The following SCLT1 variants were observed in gnomAD, a reference collection of about 807,000 sequenced individuals.
The protein encoded by SCLT1 is sodium channel and clathrin linker 1.
Under a neutral mutation model 112.8 loss-of-function variants are expected in SCLT1, and 78 were observed. The ratio of observed to expected loss-of-function variants is 0.69; its 90% CI spans 0.58 to 0.83. The LOEUF (loss-of-function observed/expected upper bound fraction) is 0.83, where lower values mean the gene tolerates loss of function less well. Ranked by LOEUF, SCLT1 falls within the 40% of genes least tolerant of loss-of-function variation. The probability of loss-of-function intolerance (pLI) is 0.00; values close to 1 mark genes in which losing one functional copy is unlikely to be tolerated. For missense variants in SCLT1, 747 were observed against 770.4 expected, an observed-to-expected ratio of 0.97 and a Z score of 0.36; for synonymous variants, 257 against 254.7, an observed-to-expected ratio of 1.01 and a Z score of -0.09.
At chr4:128,985,645 A>G (rs1373232889) in intron 9 of SCLT1, among the ~76,000 whole-genome samples, 1 of 152,174 alleles carries the variant, frequency 6.6e-6, no homozygotes, top group South Asian at 2.1e-4. Context: ...TTTGACTTAT[A>G]TTGTTTTTGT....
chr4:129,030,042 A>C (rs1185085609), intron 5 of SCLT1, among the ~76,000 whole-genome samples: 1 of 152,188 alleles, frequency 6.6e-6, no homozygotes, highest in East Asian at 1.9e-4. Flanking sequence ...GTATTCTAAA[A>C]TAGGCTACAT....
intron 18 of SCLT1, among the ~76,000 whole-genome samples, chr4:128,910,685 C>T (rs1735024383): frequency 6.6e-6 from 1 of 151,954 alleles, no homozygotes; most frequent in African/African-American, 2.4e-5. Context: ...TCTTCTAATA[C>T]ACTCTTTTTT....
At chr4:129,011,793 A>G (rs546438099) in intron 5 of SCLT1, among the ~76,000 whole-genome samples, 1 of 152,012 alleles carries the variant, frequency 6.6e-6, no homozygotes, top group South Asian at 2.1e-4. Context: ...AAATTCATCC[A>G]TTTCTTCTAG....
rs568746770 is a variant in SCLT1 at position 128,940,600 on chromosome 4, C to T, written c.1632+2396G>A. 2.0e-5 allele frequency among the ~76,000 whole-genome samples: 3 copies of T among 151,860 alleles called. 1 individual carries two copies. The South Asian group carries it at 6.2e-4, about 32-fold the overall frequency. On this transcript the variant is annotated intron_variant, in intron 17 of 20. Transcript: ENST00000281142. ...TACAGTATCTTATTAAAAACATATA[C>T]ACTATATGTCAAAAATACATATGTG...
chr4:128,924,888 A>G (rs1189257205), intron 18 of SCLT1, among the ~76,000 whole-genome samples: 2 of 152,148 alleles, frequency 1.3e-5, no homozygotes, highest in African/African-American at 4.8e-5. Context: ...TGTCACTTTC[A>G]AGATTAGCTT....
intron 18 of SCLT1, among the ~76,000 whole-genome samples, chr4:128,918,946 C>T (rs1735673355): frequency 6.6e-6 from 1 of 152,120 alleles, no homozygotes; most frequent in Non-Finnish European, 1.5e-5. Context: ...TAGAGACCTA[C>T]AAAGAGACTT....
intron 2 of SCLT1, among the ~76,000 whole-genome samples, chr4:129,061,898 T>C (rs1750012669): frequency 6.6e-6 from 1 of 152,162 alleles, no homozygotes; most frequent in Non-Finnish European, 1.5e-5. Flanking sequence ...GCCTCAGGTG[T>C]CAGGGTACAG....
chr4:128,912,388 G>C (rs532681081), intron 18 of SCLT1, among the ~76,000 whole-genome samples: 1 of 151,964 alleles, frequency 6.6e-6, no homozygotes. Context: ...TATCACCTTT[G>C]TAACGTATTT....
intron 2 of SCLT1, among the ~76,000 whole-genome samples, chr4:129,050,497 CTTTTTCTTCATGT>C (rs1748676740): frequency 6.6e-6 from 1 of 152,170 alleles, no homozygotes; most frequent in African/African-American, 2.4e-5. Context: ...TGACGAGGAG[CTTTTTCTTCATGT>C]TTGTTGGCAG....
intron 1 of SCLT1, among the ~76,000 whole-genome samples, chr4:129,087,755 TAAAAAAA>T (rs71589026): frequency 9.6e-6 from 1 of 104,464 alleles, no homozygotes; most frequent in Non-Finnish European, 1.8e-5. Context: ...TTGCGCAAGT[TAAAAAAA>T]AAAAAAAAAA....
chr4:128,958,031 TCA>T (rs1183260407), intron 12 of SCLT1, among the ~76,000 whole-genome samples: 3 of 152,130 alleles, frequency 2.0e-5, no homozygotes, highest in African/African-American at 7.2e-5. Context: ...TAATCAAATC[TCA>T]CAGTTTTAAA....
In SCLT1 at chr4:129,021,328, A is replaced by G. The variant is rs77959581; in HGVS notation, c.291-17452T>C. On this transcript the variant is annotated intron_variant, in intron 5 of 20. Coordinates refer to ENST00000281142, the MANE Select transcript of SCLT1 (RefSeq NM_144643.4). ...TCATACCCCAGTGGCGCCTGGAACG[A>G]GAGTGAGACAGAACCGTTTGCTCCC... 8.4e-3 allele frequency among the ~76,000 whole-genome samples: 1,281 copies of G among 152,280 alleles called. 8 individuals carry two copies. Among genetic ancestry groups the G allele is most frequent in the Middle Eastern group, 0.014 (4 of 294 alleles).
chr4:129,015,821 CTG>C (rs1202215909), intron 5 of SCLT1, among the ~76,000 whole-genome samples: 16 of 152,280 alleles, frequency 1.1e-4, no homozygotes, highest in Admixed American at 3.9e-4. Context: ...ATTCCAGCTT[CTG>C]TGTCTTCCCT....
chr4:128,905,044 C>T (rs973754414), intron 18 of SCLT1, among the ~76,000 whole-genome samples: 3 of 152,076 alleles, frequency 2.0e-5, no homozygotes, highest in African/African-American at 7.2e-5. Flanking sequence ...TTAGCCTGAC[C>T]TCTCTGTGCT....
chr4:129,022,574 A>T (rs1745588138), intron 5 of SCLT1, among the ~76,000 whole-genome samples: 1 of 152,182 alleles, frequency 6.6e-6, no homozygotes, highest in Admixed American at 6.5e-5. Context: ...ACTGAAATAA[A>T]ATCTGAAGGA....
At chr4:129,066,670 GT>G (rs2125743551) in intron 2 of SCLT1, among the ~76,000 whole-genome samples, 1 of 152,144 alleles carries the variant, frequency 6.6e-6, no homozygotes, top group Admixed American at 6.5e-5. Flanking sequence ...TTTTGGTATA[GT>G]AATACAATGG....
chr4:128,880,226 T>C (rs1468491422), downstream of SCLT1, among the ~76,000 whole-genome samples: 2 of 152,180 alleles, frequency 1.3e-5, no homozygotes, highest in Non-Finnish European at 2.9e-5. Flanking sequence ...TTACCACATC[T>C]GACATGTGCT....
At chr4:128,909,829 A>C (rs1668292) in intron 18 of SCLT1, among the ~76,000 whole-genome samples, 107,978 of 152,078 alleles carry the variant, frequency 0.71, 38,460 homozygotes, top group African/African-American at 0.76. Flanking sequence ...GGCTGGAGGC[A>C]GAGAGGCAGA....
At chr4:128,951,005 T>G (rs1158326074) in intron 14 of SCLT1, among the ~76,000 whole-genome samples, 3 of 152,134 alleles carry the variant, frequency 2.0e-5, no homozygotes, top group Non-Finnish European at 4.4e-5. Context: ...TTAAATAATC[T>G]GCACACTCAT....
Sources: gnomAD v4.1 joint callset for allele counts (sites outside exome capture counted in the v4.1 genomes callset) on GRCh38, gnomAD v4.1.1 for gene constraint, MANE v1.5 for transcripts, NCBI Gene and HGNC (gene_info 2026-07-23, HGNC 2026-07-21) for gene names.